Variants in CHAT observed in about 807,000 individuals in gnomAD.
CHAT encodes the protein acetyl CoA:choline O-acetyltransferase.
In CHAT, 61 loss-of-function variants were observed where a neutral mutation model predicts 76.9. That is an observed-to-expected ratio of 0.79 (90% CI 0.65 to 0.98). The LOEUF is 0.98. Ranked by LOEUF, CHAT falls within the 50% of genes least tolerant of loss-of-function variation. The pLI is 0.00. For synonymous variants in CHAT, 407 were observed against 397.4 expected, an observed-to-expected ratio of 1.02 and a Z score of -0.29; for missense variants, 946 against 986.9, an observed-to-expected ratio of 0.96 and a Z score of 0.56.
intron 13 of CHAT, among the ~76,000 whole-genome samples, chr10:49,655,982 G>A (rs1239184954): frequency 6.6e-6 from 1 of 152,164 alleles, no homozygotes; most frequent in African/African-American, 2.4e-5. Flanking sequence ...TTCATTTTCT[G>A]GCACTGCAAA....
chr10:49,657,301 A>T (rs1218774192), intron 13 of CHAT, among the ~76,000 whole-genome samples: 1 of 152,130 alleles, frequency 6.6e-6, no homozygotes, highest in East Asian at 1.9e-4. Context: ...AGGGCTGAAC[A>T]CTGTGTACAG....
chr10:49,635,321 T>A (rs1023270730), intron 7 of CHAT, among the ~76,000 whole-genome samples: 1 of 152,232 alleles, frequency 6.6e-6, no homozygotes, highest in Non-Finnish European at 1.5e-5. Flanking sequence ...ATCAGTTTCT[T>A]TCATTGTTTA....
intron 7 of CHAT, among the ~76,000 whole-genome samples, chr10:49,636,018 A>C (rs768873764): frequency 1.1e-4 from 16 of 152,336 alleles, no homozygotes; most frequent in Non-Finnish European, 2.1e-4. Flanking sequence ...TGTATGTAGA[A>C]AATAGTAGCA....
chr10:49,646,646 C>A lies in CHAT; in HGVS notation c.1253C>A (p.Ala418Asp), dbSNP rs376230019. Residue 418 changes from alanine to aspartate, a missense_variant, in exon 8 of 15, where the codon GCC (alanine) becomes GAC (aspartate). Physicochemically the swap from Ala to Asp is moderately radical, Grantham distance 126. This residue lies in a region of CHAT where 49 missense variants were observed against 76.7 expected (regional missense o/e 0.64). Coordinates refer to ENST00000337653, the MANE Select transcript of CHAT (RefSeq NM_020549.5). Reference protein sequence around the residue: ...LHGGGYSKNGANRWYDKSLQF... With the variant: ...LHGGGYSKNGDNRWYDKSLQF... The stretch of plus-strand genomic sequence containing the variant: ...GGCGGAGGCTACAGCAAGAACGGGG[C>A]CAATCGCTGGTACGACAAGTCCCTG... 6.2e-7 allele frequency: 1 copy of A among 1,613,888 alleles called. No individual in the cohort carries two copies. The highest frequency in any genetic ancestry group is 1.3e-5 in the African/African-American group (1 of 74,942).
chr10:49,652,107 G>T (rs1839898923), intron 11 of CHAT, 101 bp downstream of exon 11: 1 of 1,522,090 alleles, frequency 6.6e-7, no homozygotes, highest in Non-Finnish European at 9.1e-7. Flanking sequence ...ACAGCCTTCT[G>T]TGGGCCTGGA....
At chr10:49,653,881 G>A (rs1231075390) in intron 11 of CHAT, among the ~76,000 whole-genome samples, 1 of 152,214 alleles carries the variant, frequency 6.6e-6, no homozygotes, top group Non-Finnish European at 1.5e-5. Flanking sequence ...GAGCTGAGGG[G>A]GACAGTGCAG....
upstream of CHAT, chr10:49,610,698 G>T (rs766891845): frequency 5.5e-6 from 8 of 1,449,702 alleles, no homozygotes; most frequent in Non-Finnish European, 7.2e-6. Context: ...GCCAGCGCTC[G>T]GCCCTGGCGG....
chr10:49,617,878 G>A (rs1309483819), intron 2 of CHAT, among the ~76,000 whole-genome samples: 1 of 152,226 alleles, frequency 6.6e-6, no homozygotes, highest in Admixed American at 6.5e-5. Context: ...GCAGCCCGTA[G>A]TTGGCACTGA....
chr10:49,662,748 T>G lies in CHAT; in HGVS notation c.1943T>G (p.Leu648Arg), dbSNP rs1242281029. 6.2e-7 allele frequency: 1 copy of G among 1,614,196 alleles called. No homozygotes were observed. Among genetic ancestry groups the G allele is most frequent in the Non-Finnish European group, 8.5e-7 (1 of 1,180,038 alleles). Residue 648 changes from leucine (L) to arginine (R), a missense_variant, in exon 14 of 15, where the codon CTG (leucine) becomes CGG (arginine). Around this residue, in one of 3 missense-constraint regions of CHAT, gnomAD observed 349 missense variants for 393.9 expected, o/e 0.89. Transcript: ENST00000337653. ...GAGATGTTCATGGATGAAACCTACCTGATGAGCAACCGGTTTGTCCTCTCC... is the reference window on the plus strand; with the variant it reads ...GAGATGTTCATGGATGAAACCTACCGGATGAGCAACCGGTTTGTCCTCTCC... ...LPEMFMDETY[L>R]MSNRFVLSTS... is the part of the protein sequence containing the mutation.
rs1365888529 is a variant in CHAT, at chr10:49,614,147, G to C, written c.-43G>C. Reference sequence around the variant, plus strand: ...CGGGAAGCGCTCCGGGTAGATTCTGGGGGCCGGGAGCTGAGATCCCTGGGC... The same window carrying C: ...CGGGAAGCGCTCCGGGTAGATTCTGCGGGCCGGGAGCTGAGATCCCTGGGC... On this transcript the variant is annotated 5_prime_UTR_variant, in exon 1 of 15. Coordinates refer to ENST00000337653, the MANE Select transcript of CHAT (RefSeq NM_020549.5). 6 of 1,546,258 alleles carry C rather than the reference G, an allele frequency of 3.9e-6. No individual in the cohort carries two copies. The highest frequency in any genetic ancestry group is 2.0e-5 in the Admixed American group (1 of 50,778).
In CHAT at chr10:49,655,117, A is replaced by C. The variant is rs756665776; in HGVS notation, c.1657A>C (p.Thr553Pro). The C allele has an allele frequency of 1.9e-6, 3 of 1,613,994 alleles. No individual in the cohort carries two copies. The South Asian group carries it at 3.3e-5, about 18-fold the overall frequency. Residue 553 changes from threonine (T) to proline (P), a missense_variant, in exon 12 of 15, where the codon ACC becomes CCC. Physicochemically the swap from Thr to Pro is conservative, Grantham distance 38. Around this residue, in one of 3 missense-constraint regions of CHAT, gnomAD observed 349 missense variants for 393.9 expected, o/e 0.89. Transcript: ENST00000337653. ...CAGGCTCCATCGAAGACTGGTGCCC[A>C]CCTACGAGAGCGCGTCCATCCGCCG... is the stretch of plus-strand genomic sequence containing the variant. ...FYRLHRRLVP[T>P]YESASIRRFQ...
In CHAT at chr10:49,666,941, C is replaced by T. The variant is rs544399392; in HGVS notation, c.*1895C>T. ...TGCAGATCTGAGTTCTCCTCCGGTT[C>T]CTTTCCCTCCATGGATTTCTGCGCA... On this transcript the variant is annotated 3_prime_UTR_variant, in exon 15 of 15. Coordinates refer to ENST00000337653, the MANE Select transcript of CHAT (RefSeq NM_020549.5). Among the ~76,000 whole-genome samples the T allele has an allele frequency of 3.7e-4, 56 of 152,244 alleles. No individual in the cohort carries two copies. Among genetic ancestry groups the T allele is most frequent in the Non-Finnish European group, 5.3e-4 (36 of 68,012 alleles).
chr10:49,647,797 TTCC>T (rs1839727564), intron 8 of CHAT: 2 of 59,130 alleles, frequency 3.4e-5, no homozygotes, highest in Non-Finnish European at 4.8e-5. Context: ...CCTTCCTTCC[TTCC>T]TTCCTTCCTT....
chr10:49,627,518 C>A, intron 6 of CHAT, 90 bp from the exon 7 acceptor site: 1 of 1,349,572 alleles, frequency 7.4e-7, no homozygotes, highest in Non-Finnish European at 1.1e-6. Flanking sequence ...CCTGAGCATC[C>A]CTGCCCCAAG....
rs1272947184 is a variant in CHAT, at chr10:49,646,645, GC to G, written c.1254del (p.Asn419IlefsTer43). On this transcript the variant is annotated frameshift_variant, in exon 8 of 15. Coordinates refer to ENST00000337653, the MANE Select transcript of CHAT (RefSeq NM_020549.5). LOFTEE classifies it high-confidence loss of function. ...LHGGGYSKNG[A>X]NRWYDKSLQF... is the part of the protein sequence containing the mutation. Reference sequence around the variant, plus strand: ...CGGCGGAGGCTACAGCAAGAACGGGGCCAATCGCTGGTACGACAAGTCCCTG... The same window carrying G: ...CGGCGGAGGCTACAGCAAGAACGGGGCAATCGCTGGTACGACAAGTCCCTG... 1.9e-6 allele frequency: 3 copies of G among 1,614,024 alleles called. No individual in the cohort carries two copies. The highest frequency in any genetic ancestry group is 1.7e-6 in the Non-Finnish European group (2 of 1,180,032).
chr10:49,636,006 T>C, intron 7 of CHAT, among the ~76,000 whole-genome samples: 1 of 151,856 alleles, frequency 6.6e-6, no homozygotes, highest in Non-Finnish European at 1.5e-5. Flanking sequence ...ATGAAATGAT[T>C]ATGTATGTAG....
At chr10:49,612,330 C>A, upstream of CHAT, 1 of 1,586,076 alleles carries the variant, frequency 6.3e-7, no homozygotes. Flanking sequence ...ACTACTACAC[C>A]CGCAGCTAGC....
intron 13 of CHAT, 100 bp downstream of exon 13, chr10:49,655,548 C>CA: frequency 4.5e-6 from 5 of 1,115,614 alleles, no homozygotes; most frequent in Non-Finnish European, 5.5e-6. Flanking sequence ...AGGGCCCAGC[C>CA]ACCTGTTACT....
upstream of CHAT, chr10:49,612,640 T>G: frequency 2.7e-6 from 1 of 370,206 alleles, no homozygotes. Flanking sequence ...CTGTCCTTCC[T>G]TCCATTGCTC....
Sources: allele counts gnomAD v4.1 joint callset (sites outside exome capture counted in the v4.1 genomes callset), GRCh38; gene constraint gnomAD v4.1.1; regional missense constraint gnomAD v4.1.1; transcripts MANE v1.5; gene names NCBI Gene and HGNC (gene_info 2026-07-23, HGNC 2026-07-21).